GRIP1: variants seen among roughly 807,000 people sequenced by gnomAD.
The protein encoded by GRIP1 is glutamate receptor-interacting protein 1.
In GRIP1, 45 loss-of-function variants were observed where a neutral mutation model predicts 129.9. The observed-to-expected ratio is 0.35, with a 90% confidence interval of 0.27 to 0.44. GRIP1 has a LOEUF of 0.44. GRIP1 is among the 20% of genes least tolerant of loss of function. GRIP1 has a pLI of 1.00. For synonymous variants in GRIP1, 530 were observed against 520.8 expected (o/e 1.02, Z -0.24); for missense variants, 1,196 against 1,396.8 (o/e 0.86, Z 2.29).
chr12:66,486,194 AATAAT>A lies in GRIP1; in HGVS notation c.725-20777_725-20773del, dbSNP rs542239835. On this transcript the variant is annotated intron_variant, in intron 7 of 24. Coordinates refer to ENST00000359742, the MANE Select transcript of GRIP1 (RefSeq NM_001366722.1). The stretch of plus-strand genomic sequence containing the variant: ...GAGTTTAGGCCCTTGCCAAGGGAAT[AATAAT>A]ATATGAAATAATCATGTTAGAATTT... Among the ~76,000 whole-genome samples the A allele has an allele frequency of 4.9e-3, 743 of 152,248 alleles. 2 individuals are homozygous for A. The highest frequency in any genetic ancestry group is 7.0e-3 in the Non-Finnish European group (475 of 68,024).
intron 1 of GRIP1, among the ~76,000 whole-genome samples, chr12:66,785,343 C>CATATATATATATAT (rs199738180): frequency 0.023 from 1,664 of 72,664 alleles, 76 homozygotes; most frequent in Middle Eastern, 0.069. Context: ...TACATACATA[C>CATATATATATATAT]ATATATATAT....
chr12:66,679,294 T>A, upstream of GRIP1: 1 of 382,090 alleles, frequency 2.6e-6, no homozygotes, highest in Non-Finnish European at 4.6e-6. Flanking sequence ...ATGTATCCAG[T>A]CAGTTCAGCC....
intron 2 of GRIP1, among the ~76,000 whole-genome samples, chr12:66,580,535 T>C (rs1232136632): frequency 6.6e-6 from 1 of 151,834 alleles, no homozygotes; most frequent in African/African-American, 2.4e-5. Flanking sequence ...GAGACACACA[T>C]AGGCTCAAAA....
intron 1 of GRIP1, among the ~76,000 whole-genome samples, chr12:66,908,558 T>C (rs903085154): frequency 2.2e-4 from 33 of 152,144 alleles, no homozygotes; most frequent in African/African-American, 8.0e-4. Context: ...GAGGAACAAA[T>C]ATGATCTGAA....
chr12:66,990,386 C>T (rs2042376360), intron 1 of GRIP1, among the ~76,000 whole-genome samples: 1 of 152,182 alleles, frequency 6.6e-6, no homozygotes, highest in Non-Finnish European at 1.5e-5. Flanking sequence ...GTATTTAACA[C>T]TGACTAGGTT....
chr12:66,583,104 A>G (rs1304543040), intron 2 of GRIP1, among the ~76,000 whole-genome samples: 3 of 151,866 alleles, frequency 2.0e-5, no homozygotes, highest in Non-Finnish European at 2.9e-5. Context: ...ATAACGCCGC[A>G]TATCTACAAC....
At chr12:66,354,234 C>T (rs1237073626) in intron 23 of GRIP1, among the ~76,000 whole-genome samples, 6 of 152,142 alleles carry the variant, frequency 3.9e-5, no homozygotes, top group Non-Finnish European at 8.8e-5. Context: ...CACCCCGGGT[C>T]TCTCTGCATC....
At chr12:66,936,228 TGGG>T (rs2041481880) in intron 1 of GRIP1, among the ~76,000 whole-genome samples, 1 of 152,052 alleles carries the variant, frequency 6.6e-6, no homozygotes, top group Admixed American at 6.6e-5. Context: ...GAGACCAGCC[TGGG>T]CAACATAGTG....
chr12:67,014,919 G>A (rs1017969188), intron 1 of GRIP1, among the ~76,000 whole-genome samples: 3 of 152,046 alleles, frequency 2.0e-5, no homozygotes, highest in African/African-American at 7.2e-5. Context: ...TTAAAAAGTA[G>A]AAAAATATTT....
intron 1 of GRIP1, among the ~76,000 whole-genome samples, chr12:66,637,856 G>A (rs1373730008): frequency 6.6e-6 from 1 of 152,092 alleles, no homozygotes; most frequent in Non-Finnish European, 1.5e-5. Context: ...GGCATAACTG[G>A]GACAGATAAC....
At chr12:66,472,597 T>A (rs996527914) in intron 7 of GRIP1, among the ~76,000 whole-genome samples, 39 of 151,960 alleles carry the variant, frequency 2.6e-4, no homozygotes, top group African/African-American at 8.9e-4. Flanking sequence ...AGAAGGCGGG[T>A]GATTTCTGCA....
At chr12:66,740,410 C>T (rs979320359) in intron 1 of GRIP1, among the ~76,000 whole-genome samples, 19 of 152,274 alleles carry the variant, frequency 1.2e-4, no homozygotes, top group African/African-American at 4.6e-4. Context: ...TTGACTTCAA[C>T]AAAGGATGTT....
At chr12:66,927,456 C>G (rs1025912282) in intron 1 of GRIP1, among the ~76,000 whole-genome samples, 9 of 152,138 alleles carry the variant, frequency 5.9e-5, no homozygotes, top group Non-Finnish European at 1.3e-4. Context: ...TCTTCATCAT[C>G]CCTGCCTTAT....
chr12:66,493,192 T>G (rs1172876103), intron 7 of GRIP1, among the ~76,000 whole-genome samples: 3 of 152,184 alleles, frequency 2.0e-5, no homozygotes, highest in African/African-American at 4.8e-5. Flanking sequence ...CTGTAGGTGA[T>G]TCTGATGTTT....
chr12:66,864,571 A>T (rs1197894427), intron 1 of GRIP1, among the ~76,000 whole-genome samples: 1 of 139,610 alleles, frequency 7.2e-6, no homozygotes, highest in Non-Finnish European at 1.6e-5. Context: ...AAAAAAAAAT[A>T]GCTGGGTATG....
At chr12:66,623,573 T>G (rs2065366145) in intron 1 of GRIP1, among the ~76,000 whole-genome samples, 1 of 152,156 alleles carries the variant, frequency 6.6e-6, no homozygotes, top group African/African-American at 2.4e-5. Flanking sequence ...CACATCACCC[T>G]CAGATTTATG....
intron 1 of GRIP1, among the ~76,000 whole-genome samples, chr12:67,061,494 C>T (rs948813757): frequency 7.2e-5 from 11 of 152,146 alleles, no homozygotes; most frequent in African/African-American, 2.7e-4. Flanking sequence ...GAGTATAGTA[C>T]AAGAAGTATA....
intron 1 of GRIP1, among the ~76,000 whole-genome samples, chr12:66,756,612 G>A (rs772760296): frequency 2.0e-5 from 3 of 152,190 alleles, no homozygotes; most frequent in African/African-American, 7.2e-5. Flanking sequence ...TGGTAGGAGT[G>A]ATAATGAAGG....
intron 1 of GRIP1, among the ~76,000 whole-genome samples, chr12:66,737,154 C>T (rs1182662921): frequency 6.6e-6 from 1 of 152,096 alleles, no homozygotes; most frequent in Non-Finnish European, 1.5e-5. Context: ...ATGTCATTCC[C>T]CTCAGTTGCA....
Sources: allele counts gnomAD v4.1 joint callset (sites outside exome capture counted in the v4.1 genomes callset), GRCh38; gene constraint gnomAD v4.1.1; transcripts MANE v1.5; gene names NCBI Gene and HGNC (gene_info 2026-07-23, HGNC 2026-07-21).